The following CNTN1 variants were observed in gnomAD, a reference collection of about 807,000 sequenced individuals.
CNTN1 encodes contactin 1, also known as contactin-1.
In CNTN1, 38 loss-of-function variants were observed where a neutral mutation model predicts 126.4. The ratio of observed to expected loss-of-function variants is 0.30; its 90% CI spans 0.23 to 0.39. The LOEUF (loss-of-function observed/expected upper bound fraction) is 0.39. CNTN1 is among the 10% of genes least tolerant of loss of function. The probability of loss-of-function intolerance (pLI) is 1.00; values close to 1 mark genes in which losing one functional copy is unlikely to be tolerated. For missense variants in CNTN1, 1,009 were observed against 1,248.4 expected, an observed-to-expected ratio of 0.81 and a Z score of 2.89; for synonymous variants, 413 against 422.6, an observed-to-expected ratio of 0.98 and a Z score of 0.28.
chr12:41,029,594 T>C (rs1949102050), intron 23 of CNTN1, among the ~76,000 whole-genome samples: 1 of 152,142 alleles, frequency 6.6e-6, no homozygotes, highest in Non-Finnish European at 1.5e-5. Flanking sequence ...ATATTTAATC[T>C]TTGTCAGTTA....
At chr12:40,842,179 A>G (rs993661950) in intron 1 of CNTN1, among the ~76,000 whole-genome samples, 9 of 152,076 alleles carry the variant, frequency 5.9e-5, no homozygotes, top group Admixed American at 5.2e-4. Context: ...CGTACATTTT[A>G]CAAGATGTTT....
At chr12:40,901,921 A>G (rs1190805113) in intron 1 of CNTN1, among the ~76,000 whole-genome samples, 1 of 152,206 alleles carries the variant, frequency 6.6e-6, no homozygotes, top group Non-Finnish European at 1.5e-5. Flanking sequence ...GTGTAAAGAA[A>G]TCAGTGTGAG....
At chr12:40,874,475 T>C (rs1943605135) in intron 1 of CNTN1, among the ~76,000 whole-genome samples, 1 of 152,188 alleles carries the variant, frequency 6.6e-6, no homozygotes, top group Non-Finnish European at 1.5e-5. Context: ...GATGTGTATA[T>C]TATTTTACAG....
At chr12:40,887,534 G>A (rs1477155344) in intron 1 of CNTN1, among the ~76,000 whole-genome samples, 2 of 152,030 alleles carry the variant, frequency 1.3e-5, no homozygotes, top group Admixed American at 6.6e-5. Context: ...GAGAGGATGT[G>A]GAGAAATAGG....
intron 1 of CNTN1, among the ~76,000 whole-genome samples, chr12:40,831,165 A>C (rs1000203935): frequency 1.4e-5 from 2 of 145,764 alleles, no homozygotes; most frequent in Non-Finnish European, 3.0e-5. Context: ...TATACTGTAA[A>C]TGTATAGTAT....
intron 1 of CNTN1, among the ~76,000 whole-genome samples, chr12:40,765,298 T>G (rs1184191794): frequency 6.6e-6 from 1 of 152,116 alleles, no homozygotes; most frequent in Non-Finnish European, 1.5e-5. Context: ...TATGTCAAAT[T>G]TGGCCATGCG....
chr12:40,749,109 A>C (rs775042047), intron 1 of CNTN1, among the ~76,000 whole-genome samples: 1 of 152,138 alleles, frequency 6.6e-6, no homozygotes, highest in Non-Finnish European at 1.5e-5. Flanking sequence ...CTATCTGAAA[A>C]GCACCAATAC....
chr12:40,809,814 T>TCACACACACA (rs3223354), intron 1 of CNTN1, among the ~76,000 whole-genome samples: 22,289 of 146,596 alleles, frequency 0.15, 1,833 homozygotes, highest in South Asian at 0.24. Flanking sequence ...AGACTCTGTC[T>TCACACACACA]CACACACACA....
At chr12:41,015,498 A>G (rs991635550) in intron 18 of CNTN1, among the ~76,000 whole-genome samples, 1 of 152,198 alleles carries the variant, frequency 6.6e-6, no homozygotes, top group Non-Finnish European at 1.5e-5. Flanking sequence ...GTAGAGAACT[A>G]TCAATAAGAA....
chr12:40,695,723 C>T (rs1467707995), intron 1 of CNTN1, among the ~76,000 whole-genome samples: 1 of 152,132 alleles, frequency 6.6e-6, no homozygotes, highest in Non-Finnish European at 1.5e-5. Flanking sequence ...TGAAATTTTG[C>T]TCCTTGACAC....
intron 1 of CNTN1, among the ~76,000 whole-genome samples, chr12:40,810,852 C>T (rs1941033833): frequency 6.6e-6 from 1 of 151,954 alleles, no homozygotes; most frequent in Non-Finnish European, 1.5e-5. Context: ...CTCATATCTA[C>T]CAAATATAAA....
At position 40,936,808 on chromosome 12, in the gene CNTN1, A is replaced by G. The variant is rs200519841; in HGVS notation, c.1013A>G (p.Asn338Ser). ...TTCCCTGAGTGGGTAGAACACATCA[A>G]TGACACAGAGGTGGACATAGGCAGT... The part of the protein sequence containing the change: ...QAFPEWVEHI[N>S]DTEVDIGSDL... The change falls in exon 10 of 24, where the codon AAT becomes AGT. Residue 338 changes from asparagine (N) to serine (S), a missense_variant. Asn to Ser is a conservative substitution (Grantham distance 46). Coordinates refer to ENST00000551295, the MANE Select transcript of CNTN1 (RefSeq NM_001843.4). 1.8e-5 allele frequency: 29 copies of G among 1,613,368 alleles called. No individual in the cohort carries two copies. In the East Asian group the frequency reaches 6.0e-4, roughly 33 times the overall value.
intron 12 of CNTN1, among the ~76,000 whole-genome samples, chr12:40,941,594 C>T (rs1037731504): frequency 6.6e-6 from 1 of 152,060 alleles, no homozygotes; most frequent in Admixed American, 6.6e-5. Flanking sequence ...ATATTTTCTG[C>T]AGCAGAATTT....
rs111442544 is a variant in CNTN1 at position 40,906,669 on chromosome 12, C to CTTTTTTTTTTT, written c.-76-1679_-76-1678insTTTTTTTTTTT. Among the ~76,000 whole-genome samples the CTTTTTTTTTTT allele has an allele frequency of 5.5e-3, 589 of 106,916 alleles. 65 individuals carry two copies. Among genetic ancestry groups the CTTTTTTTTTTT allele is most frequent in the Non-Finnish European group, 6.8e-3 (360 of 53,144 alleles). The allele number at this position is 106,916 out of a possible 152,430, so 70.1% of individuals were successfully genotyped here. ...TTTCCTTTTAAAATTGTTTTTCATG[C>CTTTTTTTTTTT]TTTTTTTTTGTTTTGTTTTTTTTGA... On this transcript the variant is annotated intron_variant, in intron 1 of 23. Coordinates refer to ENST00000551295, the MANE Select transcript of CNTN1 (RefSeq NM_001843.4).
chr12:40,742,316 AG>A (rs1397517995), intron 1 of CNTN1: 19 of 152,270 alleles, frequency 1.2e-4, no homozygotes, highest in African/African-American at 4.6e-4. Context: ...CATTTGGTAG[AG>A]TGGTATTTCA....
At position 41,027,899 on chromosome 12, in the gene CNTN1, G is replaced by A; in HGVS notation, c.2753G>A (p.Gly918Asp). The change falls in exon 22 of 24, where the codon GGT becomes GAT. Residue 918 changes from glycine (G) to aspartate (D), a missense_variant. Transcript: ENST00000551295. Reference sequence around the variant, plus strand: ...AGGATCATCAGTTCAGTAAGGTCTGGTTCACGCTATATAATCACCTGGGAT... The same window carrying A: ...AGGATCATCAGTTCAGTAAGGTCTGATTCACGCTATATAATCACCTGGGAT... Reference protein sequence around the residue: ...PPRIISSVRSGSRYIITWDHV... With the variant: ...PPRIISSVRSDSRYIITWDHV... 6.2e-7 allele frequency: 1 copy of A among 1,613,926 alleles called. No individual in the cohort carries two copies. The highest frequency in any genetic ancestry group is 8.5e-7 in the Non-Finnish European group (1 of 1,179,868).
chr12:40,777,268 T>C (rs1343786964), intron 1 of CNTN1, among the ~76,000 whole-genome samples: 1 of 151,168 alleles, frequency 6.6e-6, no homozygotes, highest in Admixed American at 6.6e-5. Context: ...CTATATCCAA[T>C]CAGTTACCAA....
At chr12:41,032,902 C>A (rs2120882852) in intron 23 of CNTN1, among the ~76,000 whole-genome samples, 1 of 152,250 alleles carries the variant, frequency 6.6e-6, no homozygotes, top group African/African-American at 2.4e-5. Context: ...TGGCATGTAG[C>A]AGGGTTTTAA....
chr12:40,835,032 G>C (rs564365074), intron 1 of CNTN1, among the ~76,000 whole-genome samples: 1 of 152,216 alleles, frequency 6.6e-6, no homozygotes, highest in East Asian at 1.9e-4. Context: ...TGGAGAATAA[G>C]AACTTTAATT....
Sources: allele counts gnomAD v4.1 joint callset (sites outside exome capture counted in the v4.1 genomes callset), GRCh38; gene constraint gnomAD v4.1.1; transcripts MANE v1.5; gene names NCBI Gene and HGNC (gene_info 2026-07-23, HGNC 2026-07-21).